UNC13C: variants seen among roughly 807,000 people sequenced by gnomAD.
UNC13C encodes the protein protein unc-13 homolog C.
In UNC13C, 174 loss-of-function variants were observed where a neutral mutation model predicts 245.4. The ratio of observed to expected loss-of-function variants is 0.71; its 90% CI spans 0.63 to 0.80. The LOEUF is 0.80. UNC13C is among the 30% of genes least tolerant of loss of function. The pLI is 0.00. For synonymous variants in UNC13C, 992 were observed against 895.1 expected, an observed-to-expected ratio of 1.11 and a Z score of -1.93; for missense variants, 2,829 against 2,602.9, an observed-to-expected ratio of 1.09 and a Z score of -1.89.
chr15:54,454,052 CATA>C (rs1410126289), intron 19 of UNC13C, among the ~76,000 whole-genome samples: 1 of 151,972 alleles, frequency 6.6e-6, no homozygotes, highest in Non-Finnish European at 1.5e-5. Flanking sequence ...TCTCACTCAG[CATA>C]ATGTTTTCAA....
At chr15:54,342,999 C>G (rs150866856) in intron 17 of UNC13C, among the ~76,000 whole-genome samples, 1 of 152,238 alleles carries the variant, frequency 6.6e-6, no homozygotes, top group African/African-American at 2.4e-5. Flanking sequence ...AATGACTTTT[C>G]TTTGTCTAAT....
At position 54,552,262 on chromosome 15, in the gene UNC13C, A is replaced by T. The variant is rs1050293035; in HGVS notation, c.5877+2571A>T. 1.6e-4 allele frequency among the ~76,000 whole-genome samples: 21 copies of T among 135,132 alleles called. No individual in the cohort carries two copies. In the East Asian group the frequency reaches 4.1e-3, roughly 26 times the overall value. 88.7% of individuals were successfully genotyped at this position (135,132 alleles called of 152,430 possible). A position where few individuals can be genotyped will look rare whatever the true frequency, so the allele number is the denominator to read the frequency against. On this transcript the variant is annotated intron_variant, in intron 28 of 32. Transcript: ENST00000260323. ...TATATATAATTATATTATATATTACAATATATAATATAAAATTATGTATTA... is the reference window on the plus strand; with the variant it reads ...TATATATAATTATATTATATATTACTATATATAATATAAAATTATGTATTA...
At chr15:54,280,728 ATG>A (rs10540066) in intron 10 of UNC13C, among the ~76,000 whole-genome samples, 94 of 70,592 alleles carry the variant, frequency 1.3e-3, no homozygotes, top group Middle Eastern at 6.1e-3. Flanking sequence ...ATATAAACAT[ATG>A]TATACATACA....
rs540692698 is a variant in UNC13C, at chr15:54,549,466, T to C, written c.5821-169T>C. The stretch of plus-strand genomic sequence containing the variant: ...ATGAGGACTGTTATACTGCCAGCGG[T>C]ACTAGATATATTTGACCCAATCTTT... On this transcript the variant is annotated intron_variant, in intron 27 of 32. Transcript: ENST00000260323. Among the ~76,000 whole-genome samples the C allele has an allele frequency of 4.6e-5, 7 of 152,258 alleles. No homozygotes were observed. The East Asian group carries it at 1.4e-3, about 29-fold the overall frequency.
At chr15:54,035,753 G>A (rs1489349290) in intron 2 of UNC13C, among the ~76,000 whole-genome samples, 1 of 152,148 alleles carries the variant, frequency 6.6e-6, no homozygotes, top group East Asian at 1.9e-4. Flanking sequence ...AATGAGAATA[G>A]ATGAGCGCAC....
intron 10 of UNC13C, among the ~76,000 whole-genome samples, chr15:54,283,885 T>C (rs555669812): frequency 1.3e-5 from 2 of 152,332 alleles, no homozygotes; most frequent in East Asian, 3.9e-4. Flanking sequence ...CAGGTCTTTT[T>C]CTAAGCTAGT....
intron 2 of UNC13C, among the ~76,000 whole-genome samples, chr15:54,043,269 A>G (rs1357153355): frequency 6.6e-6 from 1 of 152,248 alleles, no homozygotes; most frequent in African/African-American, 2.4e-5. Context: ...GGAGATCACT[A>G]TGCAACAGAC....
the UNC13C span, among the ~76,000 whole-genome samples, chr15:53,955,296 CACACAT>C: frequency 8.7e-6 from 1 of 114,740 alleles, no homozygotes. Context: ...CACACACACA[CACACAT>C]AAAACTAGGA....
intron 4 of UNC13C, among the ~76,000 whole-genome samples, chr15:54,200,347 A>C (rs1220904386): frequency 1.3e-5 from 2 of 152,102 alleles, no homozygotes; most frequent in Non-Finnish European, 2.9e-5. Flanking sequence ...AGATACTTGC[A>C]GAACTTTCTA....
At chr15:54,544,146 A>G (rs1286448211) in intron 26 of UNC13C, among the ~76,000 whole-genome samples, 1 of 152,200 alleles carries the variant, frequency 6.6e-6, no homozygotes, top group African/African-American at 2.4e-5. Context: ...CAACATACAC[A>G]AATCAGTAAA....
intron 28 of UNC13C, among the ~76,000 whole-genome samples, chr15:54,551,207 A>G (rs1896722009): frequency 6.6e-6 from 1 of 152,016 alleles, no homozygotes; most frequent in Non-Finnish European, 1.5e-5. Context: ...GCCATAACAG[A>G]CCTTCATTTC....
chr15:54,424,405 T>C (rs1371928207), intron 19 of UNC13C, among the ~76,000 whole-genome samples: 2 of 151,806 alleles, frequency 1.3e-5, no homozygotes, highest in African/African-American at 4.8e-5. Flanking sequence ...TTTTTTTGTT[T>C]GTTTGTTTTT....
At chr15:54,342,565 T>TAAA (rs35987958) in intron 17 of UNC13C, among the ~76,000 whole-genome samples, 1 of 147,708 alleles carries the variant, frequency 6.8e-6, no homozygotes, top group African/African-American at 2.5e-5. Flanking sequence ...TATCTCTATT[T>TAAA]AAAAAAAAAA....
chr15:54,349,621 A>G (rs2038935758), intron 17 of UNC13C, among the ~76,000 whole-genome samples: 1 of 152,204 alleles, frequency 6.6e-6, no homozygotes, highest in African/African-American at 2.4e-5. Flanking sequence ...CAACAATACC[A>G]AAAAAAGATC....
chr15:54,213,728 C>A (rs1056389103), intron 4 of UNC13C, among the ~76,000 whole-genome samples: 9 of 151,862 alleles, frequency 5.9e-5, no homozygotes, highest in Admixed American at 6.6e-5. Context: ...TGCATGTAAC[C>A]AAAAATAGAT....
intron 4 of UNC13C, among the ~76,000 whole-genome samples, chr15:54,168,900 A>G (rs72748208): frequency 0.045 from 6,912 of 152,304 alleles, 190 homozygotes; most frequent in Middle Eastern, 0.099. Context: ...GCAATTAGCA[A>G]TAATCACCAA....
At chr15:54,302,308 G>T (rs60491186) in intron 13 of UNC13C, among the ~76,000 whole-genome samples, 1 of 152,082 alleles carries the variant, frequency 6.6e-6, no homozygotes, top group Admixed American at 6.5e-5. Flanking sequence ...GATCCCATTT[G>T]TCAATTTTGG....
rs141962091 is a variant in UNC13C at position 54,463,663 on chromosome 15, C to A, written c.4934-30945C>A. Among the ~76,000 whole-genome samples, 424 of 152,246 alleles carry A rather than the reference C, an allele frequency of 2.8e-3. 3 individuals are homozygous for A. The highest frequency in any genetic ancestry group is 9.6e-3 in the African/African-American group (399 of 41,530). On this transcript the variant is annotated intron_variant, in intron 19 of 32. Transcript: ENST00000260323. Reference sequence around the variant, plus strand: ...GAACACATCCGAACATCAGAAGGAACAAACTCTGGGCACACCATCTTTAAG... The same window carrying A: ...GAACACATCCGAACATCAGAAGGAAAAAACTCTGGGCACACCATCTTTAAG...
chr15:54,208,311 C>A (rs527696940), intron 4 of UNC13C, among the ~76,000 whole-genome samples: 2 of 152,204 alleles, frequency 1.3e-5, no homozygotes, highest in South Asian at 4.1e-4. Context: ...CTGGAGATTA[C>A]GTTTCACCAT....
Sources: gnomAD v4.1 joint callset for allele counts (sites outside exome capture counted in the v4.1 genomes callset) on GRCh38, gnomAD v4.1.1 for gene constraint, MANE v1.5 for transcripts, NCBI Gene and HGNC (gene_info 2026-07-23, HGNC 2026-07-21) for gene names.